Variants in HUWE1 observed in about 807,000 individuals in gnomAD.
The protein encoded by HUWE1 is HECT, UBA and WWE domain containing E3 ubiquitin protein ligase 1.
Under a neutral mutation model 299.4 loss-of-function variants are expected in HUWE1, and 18 were observed. The ratio of observed to expected loss-of-function variants is 0.06; its 90% CI spans 0.04 to 0.09. HUWE1 has a LOEUF of 0.09. Ranked by LOEUF, HUWE1 falls within the 10% of genes least tolerant of loss-of-function variation. The pLI, the probability that HUWE1 is intolerant of heterozygous loss-of-function variation, is 1.00. For missense variants in HUWE1, 1,832 were observed against 3,462.3 expected (o/e 0.53, Z 11.82); for synonymous variants, 1,317 against 1,286.1 (o/e 1.02, Z -0.51).
rs782536920 is a variant in HUWE1 at position 53,593,149 on chromosome X, G to A, written c.3741+215C>T. Among the ~76,000 whole-genome samples the A allele has an allele frequency of 2.7e-5, 3 of 112,132 alleles. No individual in the cohort carries two copies. The Admixed American group carries it at 2.8e-4, about 11-fold the overall frequency. On this transcript the variant is annotated intron_variant, in intron 32 of 83. Coordinates refer to ENST00000262854, the MANE Select transcript of HUWE1 (RefSeq NM_031407.7). ...TATTTCTTTATAGCAATGCAAGAACGGCCTAATGCAAGTACCAATCTGAAA... is the reference window on the plus strand; with the variant it reads ...TATTTCTTTATAGCAATGCAAGAACAGCCTAATGCAAGTACCAATCTGAAA...
intron 43 of HUWE1, among the ~76,000 whole-genome samples, chrX:53,579,486 G>A (rs1446217825): frequency 1.8e-5 from 2 of 112,012 alleles, no homozygotes; most frequent in East Asian, 5.7e-4. Flanking sequence ...GATGACAATG[G>A]CGGTTTTGTG....
In HUWE1 at chrX:53,532,620, C is replaced by T. The variant is rs1556907263; in HGVS notation, c.*689G>A. 1 of 110,068 alleles carries T rather than the reference C, an allele frequency of 9.1e-6. No individual in the cohort carries two copies. The highest frequency in any genetic ancestry group is 3.3e-5 in the African/African-American group (1 of 30,326). The allele number at this position is 110,068 out of a possible 1,213,427, so 9.1% of individuals were successfully genotyped here. A position where few individuals can be genotyped will look rare whatever the true frequency, so the allele number is the denominator to read the frequency against. On this transcript the variant is annotated 3_prime_UTR_variant, in exon 84 of 84. Transcript: ENST00000262854. ...GTGAACTGCTCATCTCTCCTGACTG[C>T]AGAAACTGACTCTGAAGGAGGAAGT...
At chrX:53,563,474 GAATA>G (rs1251141579) in intron 52 of HUWE1, among the ~76,000 whole-genome samples, 4 of 110,995 alleles carry the variant, frequency 3.6e-5, no homozygotes, top group African/African-American at 1.3e-4. Flanking sequence ...AGGCCTCCAT[GAATA>G]AACACTCTTT....
chrX:53,544,940 A>G (rs1215856774), intron 71 of HUWE1, 89 bp downstream of exon 71: 3 of 1,058,693 alleles, frequency 2.8e-6, no homozygotes, highest in Non-Finnish European at 3.9e-6. Context: ...AATCACCCAG[A>G]GAAATAAAAA....
chrX:53,571,246 T>C (rs1007325143), intron 47 of HUWE1, among the ~76,000 whole-genome samples: 8 of 112,404 alleles, frequency 7.1e-5, no homozygotes, highest in African/African-American at 2.6e-4. Flanking sequence ...AAATTTGTAA[T>C]TAAATATGTT....
At chrX:53,623,819 AG>A (rs1291897189) in intron 19 of HUWE1, among the ~76,000 whole-genome samples, 1 of 112,329 alleles carries the variant, frequency 8.9e-6, no homozygotes, top group African/African-American at 3.2e-5. Flanking sequence ...CAAGGGGGCA[AG>A]GAAGTATCTA....
chrX:53,572,971 AG>A (rs1262934245), intron 47 of HUWE1, among the ~76,000 whole-genome samples: 7 of 111,276 alleles, frequency 6.3e-5, no homozygotes, highest in African/African-American at 2.3e-4. Context: ...CCACAAATCA[AG>A]AAACATCCTT....
rs782277971 is a variant in HUWE1 at position 53,662,498 on chromosome X, G to A, written c.-24-8367C>T. On this transcript the variant is annotated intron_variant, in intron 3 of 83. Coordinates refer to ENST00000262854, the MANE Select transcript of HUWE1 (RefSeq NM_031407.7). Reference sequence around the variant, plus strand: ...TTCCATGACAACCCACCTCAAGTTGGTCCCACTGTAATTTTTCTATTATAG... The same window carrying A: ...TTCCATGACAACCCACCTCAAGTTGATCCCACTGTAATTTTTCTATTATAG... 4.5e-5 allele frequency among the ~76,000 whole-genome samples: 5 copies of A among 111,452 alleles called. No individual in the cohort carries two copies. The Admixed American group carries it at 4.8e-4, about 11-fold the overall frequency.
At chrX:53,600,409 C>T in intron 28 of HUWE1, 100 bp from the exon 29 acceptor site, 1 of 621,240 alleles carries the variant, frequency 1.6e-6, no homozygotes, top group Non-Finnish European at 2.5e-6. Flanking sequence ...TTTTGTTACT[C>T]TTTCAATTCC....
chrX:53,635,228 T>C (rs1204270222), intron 7 of HUWE1, among the ~76,000 whole-genome samples: 1 of 109,653 alleles, frequency 9.1e-6, no homozygotes, highest in Non-Finnish European at 1.9e-5. Context: ...ATATTTTGTA[T>C]ATTTTTAAAA....
At chrX:53,652,847 G>C (rs782419938) in intron 4 of HUWE1, among the ~76,000 whole-genome samples, 6 of 112,715 alleles carry the variant, frequency 5.3e-5, no homozygotes, top group Non-Finnish European at 1.1e-4. Context: ...ATACTGACAA[G>C]GGTATATGAA....
Position 53,654,233 on chromosome X carries a change from G to A in HUWE1, c.-24-102C>T, listed in dbSNP as rs2068640360. ...TACAGAATGAAGAGCAATGCAAAATGCTTAAAGTAAAAACACTGGAGTTAT... is the reference window on the plus strand; with the variant it reads ...TACAGAATGAAGAGCAATGCAAAATACTTAAAGTAAAAACACTGGAGTTAT... On this transcript the variant is annotated intron_variant, in intron 3 of 83. Transcript: ENST00000262854. The A allele has an allele frequency of 5.5e-6, 3 of 545,664 alleles. No homozygotes were observed. In the Admixed American group the frequency reaches 8.8e-5, roughly 16 times the overall value. 45.0% of individuals were successfully genotyped at this position (545,664 alleles called of 1,213,427 possible). A position where few individuals can be genotyped will look rare whatever the true frequency, so the allele number is the denominator to read the frequency against.
intron 43 of HUWE1, among the ~76,000 whole-genome samples, chrX:53,578,870 C>T (rs1157721548): frequency 5.1e-5 from 4 of 79,156 alleles, no homozygotes; most frequent in African/African-American, 1.4e-4. Context: ...GTCAGCCCCC[C>T]GCCCGGCCAG....
In HUWE1 at chrX:53,600,193, A is replaced by C. The variant is rs782313769; in HGVS notation, c.3088T>G (p.Ser1030Ala). 1.7e-6 allele frequency: 2 copies of C among 1,210,766 alleles called. No individual in the cohort carries two copies. The highest frequency in any genetic ancestry group is 2.2e-6 in the Non-Finnish European group (2 of 894,444). Residue 1030 changes from serine to alanine, a missense_variant, in exon 29 of 84, where the codon TCA (serine) becomes GCA (alanine). Coordinates refer to ENST00000262854, the MANE Select transcript of HUWE1 (RefSeq NM_031407.7). ...APMETDEPTA[S>A]DSKGKSKITP... ...ATTTTAGATTTGCCCTTAGAGTCTGAAGCAGTAGGTTCATCTGTCTCCATG... is the reference window on the plus strand; with the variant it reads ...ATTTTAGATTTGCCCTTAGAGTCTGCAGCAGTAGGTTCATCTGTCTCCATG...
At chrX:53,550,841 A>G in intron 65 of HUWE1, 60 bp downstream of exon 65, 1 of 1,200,904 alleles carries the variant, frequency 8.3e-7, no homozygotes, top group Admixed American at 2.2e-5. Flanking sequence ...CAAAGGTAAG[A>G]AAACATAGCC....
intron 43 of HUWE1, among the ~76,000 whole-genome samples, chrX:53,580,065 C>T (rs1556965630): frequency 9.0e-6 from 1 of 111,688 alleles, no homozygotes; most frequent in Non-Finnish European, 1.9e-5. Context: ...CAAGTGACTA[C>T]TCCTAAATAC....
chrX:53,669,646 G>A (rs1215777610), intron 3 of HUWE1, among the ~76,000 whole-genome samples: 1 of 112,105 alleles, frequency 8.9e-6, no homozygotes, highest in Non-Finnish European at 1.9e-5. Context: ...TTTTCTACTT[G>A]CCACAAATTC....
At chrX:53,636,310 C>T (rs782617716) in intron 7 of HUWE1, among the ~76,000 whole-genome samples, 5 of 112,757 alleles carry the variant, frequency 4.4e-5, no homozygotes, top group South Asian at 3.7e-4. Context: ...AACTGACTGT[C>T]GGAATTCAAG....
intron 3 of HUWE1, among the ~76,000 whole-genome samples, chrX:53,675,581 T>C (rs2069775852): frequency 9.0e-6 from 1 of 110,936 alleles, no homozygotes; most frequent in African/African-American, 3.3e-5. Flanking sequence ...TCTCATTCAT[T>C]TTATGTCCCT....
Sources: gnomAD v4.1 joint callset for allele counts (sites outside exome capture counted in the v4.1 genomes callset) on GRCh38, gnomAD v4.1.1 for gene constraint, MANE v1.5 for transcripts, NCBI Gene and HGNC (gene_info 2026-07-23, HGNC 2026-07-21) for gene names.